The following TTC27 variants were observed in gnomAD, a reference collection of about 807,000 sequenced individuals.
The protein encoded by TTC27 is tetratricopeptide repeat protein 27.
TTC27 carries 79 observed loss-of-function variants against 115.9 expected under a neutral mutation model. The ratio of observed to expected loss-of-function variants is 0.68; its 90% CI spans 0.57 to 0.82. TTC27 has a LOEUF of 0.82. Ranked by LOEUF, TTC27 falls within the 40% of genes least tolerant of loss-of-function variation. The pLI, the probability that TTC27 is intolerant of heterozygous loss-of-function variation, is 0.00. For synonymous variants in TTC27, 401 were observed against 356.0 expected (o/e 1.13, Z -1.42); for missense variants, 1,054 against 993.1 (o/e 1.06, Z -0.82).
At chr2:32,801,588 G>C (rs1034615946) in intron 16 of TTC27, among the ~76,000 whole-genome samples, 2 of 152,158 alleles carry the variant, frequency 1.3e-5, no homozygotes, top group African/African-American at 4.8e-5. Context: ...GTGAATTTTG[G>C]GGGAATGTTA....
rs978749396 is a variant in TTC27, at chr2:32,777,991, T to G, written c.1779+11T>G. ...ACTCTAGAACCCGATGTAAGTTTGT[T>G]TGATCTTCTGTCCTTACGTGGCTCT... On this transcript the variant is annotated intron_variant, in intron 14 of 19. Coordinates refer to ENST00000317907, the MANE Select transcript of TTC27 (RefSeq NM_017735.5). The G allele has an allele frequency of 6.2e-7, 1 of 1,613,814 alleles. No individual in the cohort carries two copies. The highest frequency in any genetic ancestry group is 8.5e-7 in the Non-Finnish European group (1 of 1,179,734).
intron 9 of TTC27, among the ~76,000 whole-genome samples, chr2:32,697,667 T>G (rs1667032659): frequency 6.6e-6 from 1 of 152,234 alleles, no homozygotes; most frequent in Non-Finnish European, 1.5e-5. Context: ...AAGACATCTT[T>G]AGTCACACAG....
chr2:32,782,530 A>G (rs1335387771), intron 14 of TTC27, 96 bp from the exon 15 acceptor site: 2 of 982,940 alleles, frequency 2.0e-6, no homozygotes, highest in African/African-American at 1.6e-5. Flanking sequence ...TTTAAAGAGC[A>G]TATATTGGAC....
At chr2:32,786,862 G>A in intron 15 of TTC27, 122 bp from the exon 16 acceptor site, 2 of 883,428 alleles carry the variant, frequency 2.3e-6, no homozygotes, top group Non-Finnish European at 3.3e-6. Context: ...CTCTAATTCT[G>A]TTTGTTTATA....
intron 5 of TTC27, among the ~76,000 whole-genome samples, chr2:32,660,982 C>T (rs372282094): frequency 1.3e-5 from 2 of 152,164 alleles, no homozygotes; most frequent in East Asian, 3.8e-4. Context: ...CAGTTTTCTG[C>T]ATATGGCTAG....
At chr2:32,740,148 C>T (rs1668580965) in intron 12 of TTC27, among the ~76,000 whole-genome samples, 1 of 152,198 alleles carries the variant, frequency 6.6e-6, no homozygotes, top group African/African-American at 2.4e-5. Context: ...CCACTTACAG[C>T]AATTTCCCCT....
intron 13 of TTC27, among the ~76,000 whole-genome samples, chr2:32,769,163 T>C (rs1476074742): frequency 6.6e-6 from 1 of 152,126 alleles, no homozygotes; most frequent in African/African-American, 2.4e-5. Context: ...TCTCCTGAAG[T>C]TGGAAGAAGA....
intron 5 of TTC27, among the ~76,000 whole-genome samples, 159 bp downstream of exon 5, chr2:32,650,392 G>A (rs1169849347): frequency 7.7e-6 from 1 of 129,414 alleles, no homozygotes; most frequent in Non-Finnish European, 1.6e-5. Flanking sequence ...AATATCACAA[G>A]TTGTTATGTT....
intron 9 of TTC27, among the ~76,000 whole-genome samples, chr2:32,701,590 A>C (rs1346143698): frequency 6.6e-6 from 1 of 152,158 alleles, no homozygotes; most frequent in Non-Finnish European, 1.5e-5. Context: ...AGAGGTTAAA[A>C]ATTCAAGTGC....
intron 12 of TTC27, among the ~76,000 whole-genome samples, chr2:32,757,053 CAGGT>C (rs1669258834): frequency 6.6e-6 from 1 of 152,108 alleles, no homozygotes; most frequent in African/African-American, 2.4e-5. Context: ...TGTCTGGAAT[CAGGT>C]AGGTCTAGTA....
intron 13 of TTC27, among the ~76,000 whole-genome samples, chr2:32,762,991 G>A (rs909777702): frequency 4.6e-5 from 7 of 152,320 alleles, no homozygotes; most frequent in African/African-American, 1.7e-4. Context: ...GGGGCAATAG[G>A]AAGGAAGGGA....
At chr2:32,637,001 T>C (rs1343903144) in intron 3 of TTC27, among the ~76,000 whole-genome samples, 1 of 152,218 alleles carries the variant, frequency 6.6e-6, no homozygotes, top group Non-Finnish European at 1.5e-5. Context: ...GGAGGTCATT[T>C]GGAGTTGTAG....
At chr2:32,644,625 C>T (rs181157127) in intron 4 of TTC27, among the ~76,000 whole-genome samples, 3 of 152,060 alleles carry the variant, frequency 2.0e-5, no homozygotes, top group African/African-American at 7.2e-5. Flanking sequence ...GACAGGGTCT[C>T]ACTGTGTTGC....
intron 14 of TTC27, chr2:32,779,934 T>TGA (rs1670118987): frequency 3.8e-6 from 1 of 265,544 alleles, no homozygotes; most frequent in African/African-American, 2.2e-5. Flanking sequence ...GTCACTCTGG[T>TGA]CAAAAATCAG....
chr2:32,817,257 A>G (rs550210271), intron 18 of TTC27, among the ~76,000 whole-genome samples, 200 bp from the exon 19 acceptor site: 148 of 151,962 alleles, frequency 9.7e-4, no homozygotes, highest in East Asian at 1.5e-3. Flanking sequence ...TAAAAAAAAA[A>G]AAGAAGAAGA....
At chr2:32,780,226 G>A (rs1670129892) in intron 14 of TTC27, 1 of 323,106 alleles carries the variant, frequency 3.1e-6, no homozygotes, top group South Asian at 2.6e-5. Flanking sequence ...ACCTTATATT[G>A]AATCTGCAGG....
At chr2:32,774,966 GT>G (rs1254347419) in intron 13 of TTC27, among the ~76,000 whole-genome samples, 39 of 152,218 alleles carry the variant, frequency 2.6e-4, no homozygotes, top group African/African-American at 8.9e-4. Flanking sequence ...AATACTTAAT[GT>G]TAAATTAAGT....
At chr2:32,798,530 T>C (rs1670796686) in intron 16 of TTC27, among the ~76,000 whole-genome samples, 1 of 151,682 alleles carries the variant, frequency 6.6e-6, no homozygotes, top group Admixed American at 6.6e-5. Flanking sequence ...GGTGAAGCCC[T>C]GTCTCTACTA....
chr2:32,695,611 C>T lies in TTC27; in HGVS notation c.1120-7196C>T, dbSNP rs559422296. 2.5e-3 allele frequency among the ~76,000 whole-genome samples: 372 copies of T among 150,196 alleles called. 1 individual carries two copies. The highest frequency in any genetic ancestry group is 3.5e-3 in the Middle Eastern group (1 of 286). On this transcript the variant is annotated intron_variant, in intron 9 of 19. Transcript: ENST00000317907. Reference sequence around the variant, plus strand: ...GTGCGTGCCTGCAGTCCCAGCTACTCGGGAGGCTGAGACAGAAGAATCACT... The same window carrying T: ...GTGCGTGCCTGCAGTCCCAGCTACTTGGGAGGCTGAGACAGAAGAATCACT...
Sources: allele counts gnomAD v4.1 joint callset (sites outside exome capture counted in the v4.1 genomes callset), GRCh38; gene constraint gnomAD v4.1.1; transcripts MANE v1.5; gene names NCBI Gene and HGNC (gene_info 2026-07-23, HGNC 2026-07-21).